Variants in ATRX observed in about 807,000 individuals in gnomAD.
The protein encoded by ATRX is chromatin remodeler ATRX.
A neutral mutation model predicts 172.6 loss-of-function variants in ATRX; 12 were observed. The observed-to-expected ratio is 0.07, with a 90% CI of 0.04 to 0.11. The LOEUF (loss-of-function observed/expected upper bound fraction) is 0.11. Ranked by LOEUF, ATRX falls within the 10% of genes least tolerant of loss-of-function variation. The pLI is 1.00. For missense variants in ATRX, 1,368 were observed against 1,767.4 expected (o/e 0.77, Z 4.05); for synonymous variants, 674 against 594.7 (o/e 1.13, Z -1.94).
intron 27 of ATRX, among the ~76,000 whole-genome samples, chrX:77,582,878 A>T (rs1168030191): frequency 1.8e-5 from 2 of 111,940 alleles, no homozygotes; most frequent in Non-Finnish European, 3.8e-5. Flanking sequence ...GGAAAATCCC[A>T]GGACCCAATA....
Position 77,682,437 on chromosome X carries a change from G to A in ATRX, c.2819C>T (p.Ala940Val), listed in dbSNP as rs2071267970. 1 of 1,211,013 alleles carries A rather than the reference G, an allele frequency of 8.3e-7. No homozygotes were observed. The highest frequency in any genetic ancestry group is 1.1e-6 in the Non-Finnish European group (1 of 895,193). Residue 940 changes from alanine (A) to valine (V), a missense_variant, in exon 9 of 35, where the codon GCT (alanine) becomes GTT (valine). Around this residue, in one of 17 missense-constraint regions of ATRX, gnomAD observed 843 missense variants for 643.1 expected, o/e 1.31. Transcript: ENST00000373344. ...ATGCTTGCTCTTTTCTTTAGTTTCA[G>A]CAACTTTTCTAACTTCCAAAGAAGT... Reference protein sequence around the residue: ...SFTSLEVRKVAETKEKSKHLK... With the variant: ...SFTSLEVRKVVETKEKSKHLK...
intron 28 of ATRX, among the ~76,000 whole-genome samples, chrX:77,561,160 T>C (rs1294203855): frequency 2.7e-5 from 3 of 110,816 alleles, no homozygotes; most frequent in African/African-American, 9.8e-5. Flanking sequence ...GCATCTTTCA[T>C]TAGAGGACAT....
rs2071430243 is a variant in ATRX, at chrX:77,684,261, T to C, written c.995A>G (p.Asp332Gly). ...SNCNGEEKKL[D>G]DSCSGSVTYS... Reference sequence around the variant, plus strand: ...GGTTACAGAGCCAGAACAGGAATCATCTAATTTCTTTTCTTCTCCATTACA... The same window carrying C: ...GGTTACAGAGCCAGAACAGGAATCACCTAATTTCTTTTCTTCTCCATTACA... Residue 332 changes from aspartate to glycine, a missense_variant, in exon 9 of 35, where the codon GAT (aspartate) becomes GGT (glycine). This residue lies in a region of ATRX where 843 missense variants were observed against 643.1 expected (regional missense o/e 1.31). Coordinates refer to ENST00000373344, the MANE Select transcript of ATRX (RefSeq NM_000489.6). The C allele has an allele frequency of 8.3e-7, 1 of 1,209,142 alleles. No individual in the cohort carries two copies.
intron 1 of ATRX, among the ~76,000 whole-genome samples, chrX:77,727,571 T>C (rs2074102577): frequency 9.3e-6 from 1 of 107,468 alleles, no homozygotes; most frequent in African/African-American, 3.4e-5. Flanking sequence ...CTCAGCAAAC[T>C]AACACAGGAA....
At chrX:77,532,553 T>A (rs781887323) in intron 30 of ATRX, among the ~76,000 whole-genome samples, 5 of 111,971 alleles carry the variant, frequency 4.5e-5, no homozygotes, top group Non-Finnish European at 9.4e-5. Flanking sequence ...AAGGATTCCC[T>A]ATTTAATAAG....
intron 25 of ATRX, chrX:77,596,412 T>C (rs1373131226): frequency 1.0e-5 from 1 of 99,385 alleles, no homozygotes; most frequent in African/African-American, 3.3e-5. Flanking sequence ...CCATTTTATA[T>C]GGAGTTAATT....
At chrX:77,643,643 A>G (rs1557112247) in intron 15 of ATRX, among the ~76,000 whole-genome samples, 1 of 110,305 alleles carries the variant, frequency 9.1e-6, no homozygotes, top group Non-Finnish European at 1.9e-5. Context: ...GCCTCACACA[A>G]CTGGGCTCAA....
intron 1 of ATRX, among the ~76,000 whole-genome samples, chrX:77,770,106 CTT>C (rs782075675): frequency 4.9e-5 from 5 of 101,507 alleles, no homozygotes. Flanking sequence ...AAATGATAAA[CTT>C]TTTTTTTTTT....
intron 22 of ATRX, among the ~76,000 whole-genome samples, chrX:77,601,296 T>C (rs1167466012): frequency 1.8e-5 from 2 of 108,975 alleles, no homozygotes; most frequent in African/African-American, 3.3e-5. Flanking sequence ...CGAGACTCTG[T>C]CTCCACCAAG....
Position 77,681,785 on chromosome X carries a change from A to G in ATRX, c.3471T>C (p.Asp1157=). 5 of 1,198,812 alleles carry G rather than the reference A, an allele frequency of 4.2e-6. No homozygotes were observed. Among genetic ancestry groups the G allele is most frequent in the Non-Finnish European group, 4.5e-6 (4 of 891,837 alleles). ...KEIQSGSSSS[D]AEESSEDNKK... Reference sequence around the variant, plus strand: ...TATTATCTTCAGAACTTTCCTCAGCATCAGATGATGATGAGCCACTTTGTA... The same window carrying G: ...TATTATCTTCAGAACTTTCCTCAGCGTCAGATGATGATGAGCCACTTTGTA... Residue 1157 remains aspartate, a synonymous_variant, in exon 9 of 35, where the codon GAT becomes GAC. Transcript: ENST00000373344.
intron 2 of ATRX, among the ~76,000 whole-genome samples, chrX:77,716,730 G>A (rs2073452922): frequency 9.0e-6 from 1 of 111,036 alleles, no homozygotes; most frequent in Non-Finnish European, 1.9e-5. Flanking sequence ...GTGACAGAGC[G>A]AGACTCCATC....
intron 34 of ATRX, among the ~76,000 whole-genome samples, chrX:77,513,335 A>G (rs2062943093): frequency 9.3e-6 from 1 of 108,031 alleles, no homozygotes; most frequent in African/African-American, 3.3e-5. Flanking sequence ...AAAAAAAAAA[A>G]AAAAAAGAAT....
intron 27 of ATRX, among the ~76,000 whole-genome samples, chrX:77,583,548 A>G (rs1021734638): frequency 3.6e-5 from 4 of 111,137 alleles, no homozygotes; most frequent in Non-Finnish European, 7.6e-5. Flanking sequence ...ACAAAACCAT[A>G]TGATCATTTC....
chrX:77,576,783 C>T (rs1409487255), intron 27 of ATRX, among the ~76,000 whole-genome samples: 2 of 111,638 alleles, frequency 1.8e-5, no homozygotes, highest in South Asian at 3.8e-4. Flanking sequence ...TTTCCCCTTA[C>T]CCACAGGCCC....
rs149990714 is a variant in ATRX, at chrX:77,717,146, T to C, written c.118A>G (p.Met40Val). Reference sequence around the variant, plus strand: ...TTCAATTTACCTGTGTTTTGATTCATTGCAAGTCGTGGAGGAGAACTTGTT... The same window carrying C: ...TTCAATTTACCTGTGTTTTGATTCACTGCAAGTCGTGGAGGAGAACTTGTT... ...EETSSPPRLAMNQNTDKISGS... is the reference protein window; with the variant it reads ...EETSSPPRLAVNQNTDKISGS... Residue 40 changes from methionine (M) to valine (V), a missense_variant, in exon 2 of 35, where the codon ATG (methionine) becomes GTG (valine). Around this residue, in one of 17 missense-constraint regions of ATRX, gnomAD observed 84 missense variants for 82.8 expected, o/e 1.01. Transcript: ENST00000373344. 38 of 1,204,358 alleles carry C rather than the reference T, an allele frequency of 3.2e-5. No individual in the cohort carries two copies. Among genetic ancestry groups the C allele is most frequent in the African/African-American group, 8.7e-5 (5 of 57,204 alleles).
intron 30 of ATRX, among the ~76,000 whole-genome samples, chrX:77,530,128 G>A (rs1557045777): frequency 8.9e-6 from 1 of 111,766 alleles, no homozygotes; most frequent in Non-Finnish European, 1.9e-5. Flanking sequence ...TAGAACTCAA[G>A]AATAAGAAAT....
At chrX:77,601,772 G>C (rs2066685836) in intron 22 of ATRX, among the ~76,000 whole-genome samples, 1 of 111,759 alleles carries the variant, frequency 8.9e-6, no homozygotes, top group South Asian at 3.7e-4. Flanking sequence ...CCACGAGTGA[G>C]AGAAAATTTA....
intron 12 of ATRX, among the ~76,000 whole-genome samples, chrX:77,660,597 A>T (rs949576112): frequency 9.1e-5 from 10 of 109,701 alleles, no homozygotes; most frequent in Non-Finnish European, 1.1e-4. Context: ...TAATAAAAAT[A>T]AAAAAATAAT....
rs782421353 is a variant in ATRX, at chrX:77,588,498, T to C, written c.6217+1336A>G. On this transcript the variant is annotated intron_variant, in intron 27 of 34. Coordinates refer to ENST00000373344, the MANE Select transcript of ATRX (RefSeq NM_000489.6). ...GAAAGCAACAGATGGCCAGGTATGG[T>C]GGCTCACACCTTAATCCCAGCACTT... Among the ~76,000 whole-genome samples, 4 of 112,065 alleles carry C rather than the reference T, an allele frequency of 3.6e-5. No individual in the cohort carries two copies. The South Asian group carries it at 1.5e-3, about 41-fold the overall frequency.
Sources: gnomAD v4.1 joint callset for allele counts (sites outside exome capture counted in the v4.1 genomes callset) on GRCh38, gnomAD v4.1.1 for gene constraint, gnomAD v4.1.1 regional missense constraint, MANE v1.5 for transcripts, NCBI Gene and HGNC (gene_info 2026-07-23, HGNC 2026-07-21) for gene names.